DSG1: variants seen among roughly 807,000 people sequenced by gnomAD.
DSG1 encodes the protein desmoglein 1.
DSG1 carries 39 observed loss-of-function variants against 97.5 expected under a neutral mutation model. That is an observed-to-expected ratio of 0.40 (90% confidence interval 0.31 to 0.52). The LOEUF (loss-of-function observed/expected upper bound fraction) is 0.52. Among genes scored for constraint, DSG1 ranks in the 20% least tolerant of loss-of-function variants. DSG1 has a pLI of 0.53. For missense variants in DSG1, 1,311 were observed against 1,295.4 expected (o/e 1.01, Z -0.18); for synonymous variants, 475 against 443.4 (o/e 1.07, Z -0.90).
Position 31,336,341 on chromosome 18 carries a change from C to A in DSG1, c.1006-13C>A. 6.2e-7 allele frequency: 1 copy of A among 1,610,826 alleles called. No homozygotes were observed. Among genetic ancestry groups the A allele is most frequent in the Non-Finnish European group, 8.5e-7 (1 of 1,178,224 alleles). ...TTTCTTATAATGAAACTATTTTACT[C>A]TGTATTTTCTAGCCCTTAGATTATG... On this transcript the variant is annotated splice_polypyrimidine_tract_variant and intron_variant, in intron 8 of 14. Coordinates refer to ENST00000257192, the MANE Select transcript of DSG1 (RefSeq NM_001942.4).
At position 31,357,887 on chromosome 18, in the gene DSG1, T is replaced by G. The variant is rs1480100076; in HGVS notation, c.*2541T>G. Among the ~76,000 whole-genome samples the G allele has an allele frequency of 6.6e-6, 1 of 151,988 alleles. No individual in the cohort carries two copies. Among genetic ancestry groups the G allele is most frequent in the Non-Finnish European group, 1.5e-5 (1 of 67,878 alleles). Reference sequence around the variant, plus strand: ...CAGGATTGCACACTGATTTTCCATTTAGTCCTAAATTTTAAAATTCCCTTT... The same window carrying G: ...CAGGATTGCACACTGATTTTCCATTGAGTCCTAAATTTTAAAATTCCCTTT... On this transcript the variant is annotated 3_prime_UTR_variant, in exon 15 of 15. Coordinates refer to ENST00000257192, the MANE Select transcript of DSG1 (RefSeq NM_001942.4).
rs2071705474 is a variant in DSG1 at position 31,329,205 on chromosome 18, G to A, written c.373-687G>A. Among the ~76,000 whole-genome samples the A allele has an allele frequency of 2.0e-5, 3 of 151,986 alleles. No individual in the cohort carries two copies. The South Asian group carries it at 6.2e-4, about 32-fold the overall frequency. On this transcript the variant is annotated intron_variant, in intron 4 of 14. Transcript: ENST00000257192. ...CACCTCTGTTTTCTGTCTCCCTTCT[G>A]CTGGCTCCTTGGCTACTCCCATTTC...
At position 31,336,150 on chromosome 18, in the gene DSG1, G is replaced by C. The variant is rs552294611; in HGVS notation, c.1006-204G>C. Among the ~76,000 whole-genome samples the C allele has an allele frequency of 3.9e-5, 6 of 152,172 alleles. 1 individual carries two copies. In the South Asian group the frequency reaches 1.2e-3, roughly 32 times the overall value. On this transcript the variant is annotated intron_variant, in intron 8 of 14. Transcript: ENST00000257192. The stretch of plus-strand genomic sequence containing the variant: ...TTTCAACTTTTTAACAATGAATCTA[G>C]GGGAATTGAATTGTTTCTTACTTTA...
Position 31,353,471 on chromosome 18 carries a change from G to A in DSG1, c.2101-826G>A, listed in dbSNP as rs1177982351. ...AGGTGGAGCCTACAGAGGCAGGCAG[G>A]CCTCCTTGAGCTGTGGTGGGCTCCA... is the stretch of plus-strand genomic sequence containing the variant. On this transcript the variant is annotated intron_variant, in intron 14 of 14. Transcript: ENST00000257192. Among the ~76,000 whole-genome samples, 11 of 152,078 alleles carry A rather than the reference G, an allele frequency of 7.2e-5. No individual in the cohort carries two copies. In the East Asian group the frequency reaches 1.9e-3, roughly 27 times the overall value.
At position 31,331,683 on chromosome 18, in the gene DSG1, ATTTTCCT is replaced by A; in HGVS notation, c.518-16_518-10del. On this transcript the variant is annotated splice_polypyrimidine_tract_variant and intron_variant, in intron 5 of 14. Transcript: ENST00000257192. ...AATGTAAATCACCCATTTGCAATCA[ATTTTCCT>A]TAATTTCTAGATACACTGGTGATGA... 6.2e-7 allele frequency: 1 copy of A among 1,610,980 alleles called. No individual in the cohort carries two copies. Among genetic ancestry groups the A allele is most frequent in the African/African-American group, 1.3e-5 (1 of 74,920 alleles).
At chr18:31,347,431 T>C (rs1201852045) in intron 14 of DSG1, among the ~76,000 whole-genome samples, 1 of 152,186 alleles carries the variant, frequency 6.6e-6, no homozygotes, top group East Asian at 1.9e-4. Flanking sequence ...TTCTGTGTTG[T>C]CTGTCTCACT....
chr18:31,347,491 A>G (rs1022915413), intron 14 of DSG1, among the ~76,000 whole-genome samples: 3 of 152,154 alleles, frequency 2.0e-5, no homozygotes, highest in African/African-American at 2.4e-5. Context: ...GGTATTGTTC[A>G]TTATGCATAG....
chr18:31,324,671 C>T (rs11875510), intron 1 of DSG1, among the ~76,000 whole-genome samples: 60,032 of 151,522 alleles, frequency 0.4, 13,372 homozygotes, highest in Non-Finnish European at 0.49. Flanking sequence ...GTTCTCAAGC[C>T]CTGCCAATGC....
At chr18:31,337,428 G>T (rs1002486238) in intron 9 of DSG1, among the ~76,000 whole-genome samples, 2 of 151,844 alleles carry the variant, frequency 1.3e-5, no homozygotes, top group Non-Finnish European at 2.9e-5. Flanking sequence ...AGCTATTTTT[G>T]TTTTAGTAGA....
chr18:31,342,616 G>A (rs1309304867), intron 11 of DSG1, among the ~76,000 whole-genome samples: 6 of 152,172 alleles, frequency 3.9e-5, no homozygotes, highest in Non-Finnish European at 7.4e-5. Context: ...ACAGTGCTAA[G>A]CAGTGTGATG....
chr18:31,332,002 C>G (rs2071724237), intron 6 of DSG1, 135 bp downstream of exon 6: 2 of 786,076 alleles, frequency 2.5e-6, no homozygotes, highest in Admixed American at 5.9e-5. Context: ...ATAATTCTTT[C>G]ATGTAAGAAA....
At chr18:31,350,557 T>A (rs1025771255) in intron 14 of DSG1, among the ~76,000 whole-genome samples, 1 of 150,172 alleles carries the variant, frequency 6.7e-6, no homozygotes, top group Admixed American at 6.6e-5. Flanking sequence ...CAGTTCCTCC[T>A]TGTACCTCTG....
At position 31,339,874 on chromosome 18, in the gene DSG1, CACTA is replaced by C. The variant is rs2071777801; in HGVS notation, c.1541_1544del (p.Asn514MetfsTer47). 6.2e-7 allele frequency: 1 copy of C among 1,613,928 alleles called. No individual in the cohort carries two copies. Among genetic ancestry groups the C allele is most frequent in the East Asian group, 2.2e-5 (1 of 44,866 alleles). On this transcript the variant is annotated frameshift_variant, in exon 11 of 15. Transcript: ENST00000257192. LOFTEE classifies it high-confidence loss of function. ...CTGGCAGACAAGAAAGTACTTCTTC[CACTA>C]ACTATGATACCAGCACAACTTCTAC...
chr18:31,347,274 T>C (rs1446800028), intron 14 of DSG1, among the ~76,000 whole-genome samples: 1 of 152,206 alleles, frequency 6.6e-6, no homozygotes, highest in African/African-American at 2.4e-5. Context: ...TTTTGTTATA[T>C]TTTAATAACA....
At chr18:31,336,948 T>A (rs2071759124) in intron 9 of DSG1, among the ~76,000 whole-genome samples, 1 of 152,204 alleles carries the variant, frequency 6.6e-6, no homozygotes, top group Non-Finnish European at 1.5e-5. Context: ...TAAGGAATGA[T>A]TTTCCGATGG....
At chr18:31,333,550 T>G in intron 6 of DSG1, 39 bp from the exon 7 acceptor site, 1 of 1,613,416 alleles carries the variant, frequency 6.2e-7, no homozygotes, top group Non-Finnish European at 8.5e-7. Flanking sequence ...AAAGGCTGTC[T>G]ACGTCAAGTG....
chr18:31,323,509 G>A (rs1346230269), intron 1 of DSG1, among the ~76,000 whole-genome samples: 1 of 151,710 alleles, frequency 6.6e-6, no homozygotes, highest in Non-Finnish European at 1.5e-5. Flanking sequence ...TTCTTTTTCT[G>A]CCCATTCTCT....
intron 11 of DSG1, among the ~76,000 whole-genome samples, chr18:31,342,477 C>T (rs2071796163): frequency 6.6e-6 from 1 of 151,948 alleles, no homozygotes. Flanking sequence ...TTCCTTTCCT[C>T]CTTCTTCACA....
chr18:31,351,937 T>C (rs2071900675), intron 14 of DSG1, among the ~76,000 whole-genome samples: 1 of 151,716 alleles, frequency 6.6e-6, no homozygotes, highest in Admixed American at 6.6e-5. Context: ...TGCCAGTCTG[T>C]GTCTTTTAAT....
Sources: allele counts gnomAD v4.1 joint callset (sites outside exome capture counted in the v4.1 genomes callset), GRCh38; gene constraint gnomAD v4.1.1; transcripts MANE v1.5; gene names NCBI Gene and HGNC (gene_info 2026-07-23, HGNC 2026-07-21).